Variants in XRCC4 observed in about 807,000 individuals in gnomAD.
The protein encoded by XRCC4 is X-ray repair cross complementing 4, also known as DNA repair protein XRCC4.
In XRCC4, 28 loss-of-function variants were observed where a neutral mutation model predicts 39.1. The ratio of observed to expected loss-of-function variants is 0.72; its 90% confidence interval spans 0.53 to 0.98. The LOEUF (loss-of-function observed/expected upper bound fraction) is 0.98, where lower values mean the gene tolerates loss of function less well. Ranked by LOEUF, XRCC4 falls within the 50% of genes least tolerant of loss-of-function variation. XRCC4 has a pLI of 0.00. For synonymous variants in XRCC4, 123 were observed against 126.4 expected, an observed-to-expected ratio of 0.97 and a Z score of 0.18; for missense variants, 350 against 376.4, an observed-to-expected ratio of 0.93 and a Z score of 0.58.
chr5:83,105,726 T>C (rs1746167437), intron 2 of XRCC4, among the ~76,000 whole-genome samples: 1 of 152,190 alleles, frequency 6.6e-6, no homozygotes, highest in Admixed American at 6.5e-5. Flanking sequence ...TAAAGTATCT[T>C]ATTGAAAGAT....
At chr5:83,123,764 T>G (rs762396723) in intron 3 of XRCC4, among the ~76,000 whole-genome samples, 3 of 152,128 alleles carry the variant, frequency 2.0e-5, no homozygotes, top group Non-Finnish European at 4.4e-5. Flanking sequence ...TACATTGAAG[T>G]GATATACTAC....
chr5:83,249,378 G>A (rs774830829), intron 6 of XRCC4, among the ~76,000 whole-genome samples: 2 of 151,966 alleles, frequency 1.3e-5, no homozygotes, highest in Non-Finnish European at 2.9e-5. Flanking sequence ...TTGCAAATCC[G>A]GAAATCTCTT....
intron 7 of XRCC4, among the ~76,000 whole-genome samples, chr5:83,325,364 G>A (rs1266046204): frequency 6.6e-6 from 1 of 151,938 alleles, no homozygotes; most frequent in East Asian, 1.9e-4. Flanking sequence ...TGATACATAG[G>A]TAAATGTGTG....
intron 7 of XRCC4, among the ~76,000 whole-genome samples, chr5:83,307,148 AACAG>A (rs1755519921): frequency 6.6e-6 from 1 of 152,234 alleles, no homozygotes; most frequent in Non-Finnish European, 1.5e-5. Context: ...CTTTCTTGCT[AACAG>A]ACAAATTCTC....
chr5:83,155,300 T>C (rs370225569), intron 3 of XRCC4, among the ~76,000 whole-genome samples: 1 of 152,282 alleles, frequency 6.6e-6, no homozygotes, highest in African/African-American at 2.4e-5. Context: ...AACTTTGATG[T>C]ATTTCTAAAG....
chr5:83,290,015 T>A lies in XRCC4; in HGVS notation c.893+31338T>A, dbSNP rs370052462. Among the ~76,000 whole-genome samples, 41 of 151,878 alleles carry A rather than the reference T, an allele frequency of 2.7e-4. No individual in the cohort carries two copies. In the East Asian group the frequency reaches 6.2e-3, roughly 23 times the overall value. ...CACTCTCATGCTAGTCTACATTAAG[T>A]CTCCAGCAGTTCATTAAAATTCCCC... On this transcript the variant is annotated intron_variant, in intron 7 of 7. Transcript: ENST00000396027.
chr5:83,324,574 C>A (rs1231890850), intron 7 of XRCC4, among the ~76,000 whole-genome samples: 24 of 152,026 alleles, frequency 1.6e-4, no homozygotes, highest in Admixed American at 1.6e-3. Flanking sequence ...ACATAAGATG[C>A]CATTGGCTTT....
chr5:83,214,276 T>A (rs1751761838), intron 6 of XRCC4, among the ~76,000 whole-genome samples: 1 of 152,194 alleles, frequency 6.6e-6, no homozygotes, highest in East Asian at 1.9e-4. Flanking sequence ...TTTTTGCAGA[T>A]GATATGATCT....
chr5:83,171,177 A>G (rs924474030), intron 3 of XRCC4, among the ~76,000 whole-genome samples: 1 of 152,060 alleles, frequency 6.6e-6, no homozygotes, highest in African/African-American at 2.4e-5. Context: ...CTAGTCCTCA[A>G]TTCTTTTCAC....
chr5:83,367,075 G>T, the XRCC4 span, among the ~76,000 whole-genome samples: 26 of 152,208 alleles, frequency 1.7e-4, no homozygotes, highest in Middle Eastern at 3.4e-3. Context: ...GAACGATGTT[G>T]GGTACACAGT....
chr5:83,229,012 A>G (rs368767544), intron 6 of XRCC4, among the ~76,000 whole-genome samples: 1 of 152,184 alleles, frequency 6.6e-6, no homozygotes, highest in African/African-American at 2.4e-5. Flanking sequence ...GTGCAGAGAA[A>G]CAGGACCCAG....
At chr5:83,293,119 G>A (rs911471270) in intron 7 of XRCC4, among the ~76,000 whole-genome samples, 26 of 151,820 alleles carry the variant, frequency 1.7e-4, no homozygotes, top group African/African-American at 5.8e-4. Context: ...ACCTTCCCAT[G>A]GTTTTATTCC....
intron 3 of XRCC4, among the ~76,000 whole-genome samples, chr5:83,195,316 A>G (rs1007120119): frequency 2.6e-5 from 4 of 152,286 alleles, no homozygotes; most frequent in African/African-American, 9.6e-5. Flanking sequence ...CTAAAACTCT[A>G]CCTTTCTCTT....
chr5:83,145,137 C>T (rs1050704861), intron 3 of XRCC4, among the ~76,000 whole-genome samples: 17 of 152,178 alleles, frequency 1.1e-4, no homozygotes, highest in South Asian at 2.1e-4. Flanking sequence ...CCTCATGATC[C>T]GCCTGCCTCG....
At chr5:83,356,527 C>A (rs1166719133), downstream of XRCC4, among the ~76,000 whole-genome samples, 2 of 152,086 alleles carry the variant, frequency 1.3e-5, no homozygotes, top group African/African-American at 4.8e-5. Context: ...TGCTGTGTGT[C>A]AGATTGATTG....
chr5:83,243,689 A>G (rs1340957765), intron 6 of XRCC4, among the ~76,000 whole-genome samples: 1 of 152,186 alleles, frequency 6.6e-6, no homozygotes, highest in African/African-American at 2.4e-5. Flanking sequence ...AGGATTGTGG[A>G]TCAGTTTAGT....
chr5:83,234,627 G>C (rs1244792036), intron 6 of XRCC4, among the ~76,000 whole-genome samples: 1 of 152,128 alleles, frequency 6.6e-6, no homozygotes, highest in African/African-American at 2.4e-5. Context: ...GGATAATCTA[G>C]AAATGTAATC....
chr5:83,346,214 A>G, intron 7 of XRCC4, among the ~76,000 whole-genome samples: 1 of 152,138 alleles, frequency 6.6e-6, no homozygotes, highest in African/African-American at 2.4e-5. Flanking sequence ...GAGAGCCTGT[A>G]TTTTGCAAAG....
At chr5:83,185,734 A>G (rs2940542) in intron 3 of XRCC4, among the ~76,000 whole-genome samples, 68,880 of 151,798 alleles carry the variant, frequency 0.45, 16,074 homozygotes, top group South Asian at 0.52. Context: ...ACTTAAATAT[A>G]TATAAATACT....
Sources: allele counts gnomAD v4.1 joint callset (sites outside exome capture counted in the v4.1 genomes callset), GRCh38; gene constraint gnomAD v4.1.1; transcripts MANE v1.5; gene names NCBI Gene and HGNC (gene_info 2026-07-23, HGNC 2026-07-21).